LOC728743: variants seen among roughly 807,000 people sequenced by gnomAD.
chr7:150,401,730 C>T, the LOC728743 span, among the ~76,000 whole-genome samples: 3 of 152,154 alleles, frequency 2.0e-5, no homozygotes, highest in Non-Finnish European at 4.4e-5. Flanking sequence ...GATGACAGCG[C>T]TCTATTTCTG....
chr7:150,404,187 C>A, the LOC728743 span, among the ~76,000 whole-genome samples: 2 of 152,224 alleles, frequency 1.3e-5, no homozygotes, highest in African/African-American at 4.8e-5. Context: ...GAGAAAAAAG[C>A]CTATTTAATG....
chr7:150,408,977 TCGGTGTGTGA>T, the LOC728743 span, among the ~76,000 whole-genome samples: 1 of 152,176 alleles, frequency 6.6e-6, no homozygotes, highest in African/African-American at 2.4e-5. Context: ...GTGCTCACAC[TCGGTGTGTGA>T]CGCGGGGCCA....
the LOC728743 span, among the ~76,000 whole-genome samples, chr7:150,401,975 G>A: frequency 6.6e-6 from 1 of 152,186 alleles, no homozygotes; most frequent in African/African-American, 2.4e-5. Flanking sequence ...GGGAGAGCCA[G>A]ATAGTTCTGG....
At chr7:150,401,614 T>C in the LOC728743 span, among the ~76,000 whole-genome samples, 1 of 152,206 alleles carries the variant, frequency 6.6e-6, no homozygotes, top group African/African-American at 2.4e-5. Context: ...ATGAATGGAC[T>C]CCCTTAAGTT....
At chr7:150,405,924 A>T in the LOC728743 span, 2 of 152,356 alleles carry the variant, frequency 1.3e-5, no homozygotes, top group African/African-American at 4.8e-5. Flanking sequence ...GCATGGGAGG[A>T]AAGAACTTGG....
At chr7:150,407,726 T>C in the LOC728743 span, 1 of 399,634 alleles carries the variant, frequency 2.5e-6, no homozygotes, top group Non-Finnish European at 4.4e-6. Context: ...GCCCTACCGC[T>C]GCCCGCTGTG....
chr7:150,412,391 G>T, the LOC728743 span: 1 of 152,288 alleles, frequency 6.6e-6, no homozygotes, highest in African/African-American at 2.4e-5. Context: ...CACGGAAGTG[G>T]TCGTCCAGCC....
the LOC728743 span, chr7:150,408,063 C>T: frequency 2.6e-6 from 1 of 381,608 alleles, no homozygotes; most frequent in Non-Finnish European, 4.6e-6. Flanking sequence ...CGCATGCCCG[C>T]GCCGCACCCG....
chr7:150,409,886 T>G, the LOC728743 span, among the ~76,000 whole-genome samples: 6 of 152,276 alleles, frequency 3.9e-5, no homozygotes, highest in Non-Finnish European at 7.4e-5. Flanking sequence ...TCCCAGGTGC[T>G]GTAGACTAGC....
At chr7:150,403,845 T>TG in the LOC728743 span, among the ~76,000 whole-genome samples, 1 of 151,540 alleles carries the variant, frequency 6.6e-6, no homozygotes, top group Non-Finnish European at 1.5e-5. This position sits in a 1 kb window ranked among gnomAD's most constrained non-coding sequence, Gnocchi z 5.1. Context: ...GCCAGACGGG[T>TG]GGGGCCTGGT....
the LOC728743 span, among the ~76,000 whole-genome samples, chr7:150,406,946 G>C: frequency 6.6e-6 from 1 of 152,214 alleles, no homozygotes; most frequent in African/African-American, 2.4e-5. Context: ...CAAGTTTACA[G>C]GGTTGTGTTT....
the LOC728743 span, chr7:150,407,510 G>A: frequency 7.5e-6 from 3 of 397,902 alleles, no homozygotes; most frequent in Admixed American, 4.4e-5. Flanking sequence ...CCAGGCTGGG[G>A]GTTGGCTAAC....
the LOC728743 span, among the ~76,000 whole-genome samples, chr7:150,406,572 T>C: frequency 2.6e-5 from 4 of 152,334 alleles, no homozygotes; most frequent in Non-Finnish European, 5.9e-5. Flanking sequence ...GGCAAGTATG[T>C]TGACCTCACT....
chr7:150,402,932 C>T, the LOC728743 span, among the ~76,000 whole-genome samples: 1 of 152,190 alleles, frequency 6.6e-6, no homozygotes, highest in South Asian at 2.1e-4. Flanking sequence ...GAGCCACGAG[C>T]AACACATCTA....
At chr7:150,406,358 G>T in the LOC728743 span, among the ~76,000 whole-genome samples, 1 of 152,180 alleles carries the variant, frequency 6.6e-6, no homozygotes, top group East Asian at 1.9e-4. Flanking sequence ...GGTCGTGGGA[G>T]TGGTGGCAGT....
chr7:150,409,300 A>C, the LOC728743 span, among the ~76,000 whole-genome samples: 1 of 152,160 alleles, frequency 6.6e-6, no homozygotes, highest in Admixed American at 6.5e-5. Context: ...AATCAGAGGC[A>C]CTGTGAGGAC....
At chr7:150,407,657 G>A in the LOC728743 span, 2 of 399,072 alleles carry the variant, frequency 5.0e-6, no homozygotes, top group African/African-American at 2.1e-5. Flanking sequence ...TGCGGGGGAC[G>A]GGGAGGAGGG....
the LOC728743 span, among the ~76,000 whole-genome samples, chr7:150,406,283 G>C: frequency 6.6e-6 from 1 of 152,216 alleles, no homozygotes; most frequent in Non-Finnish European, 1.5e-5. Context: ...CGGCTTCCCT[G>C]ATGGGGTTGG....
the LOC728743 span, chr7:150,405,233 G>A: frequency 6.6e-6 from 1 of 152,330 alleles, no homozygotes; most frequent in Admixed American, 6.5e-5. Flanking sequence ...AGACCTCCCA[G>A]CCTCACGGGG....
Sources: allele counts gnomAD v4.1 joint callset (sites outside exome capture counted in the v4.1 genomes callset), GRCh38; gene constraint gnomAD v4.1.1; non-coding constraint Gnocchi (gnomAD v3.1); transcripts MANE v1.5.